The following GRIK1 variants were observed in gnomAD, a reference collection of about 807,000 sequenced individuals.
GRIK1 encodes glutamate receptor ionotropic, kainate 1.
Under a neutral mutation model 105.7 loss-of-function variants are expected in GRIK1, and 69 were observed. The observed-to-expected ratio is 0.65, with a 90% confidence interval of 0.54 to 0.80. The LOEUF (loss-of-function observed/expected upper bound fraction) is 0.80. Ranked by LOEUF, GRIK1 falls within the 30% of genes least tolerant of loss-of-function variation. The probability of loss-of-function intolerance (pLI) is 0.00; values close to 1 mark genes in which losing one functional copy is unlikely to be tolerated. For missense variants in GRIK1, 1,109 were observed against 1,167.3 expected (o/e 0.95, Z 0.73); for synonymous variants, 438 against 431.3 (o/e 1.02, Z -0.19).
chr21:29,682,857 G>A (rs1037749157), intron 3 of GRIK1, among the ~76,000 whole-genome samples: 1 of 152,070 alleles, frequency 6.6e-6, no homozygotes, highest in Non-Finnish European at 1.5e-5. Context: ...CCCACAGAAT[G>A]GGAGAAAATG....
Position 29,639,951 on chromosome 21 carries a change from C to G in GRIK1, c.1098+2875G>C, listed in dbSNP as rs1317378992. 2.0e-5 allele frequency among the ~76,000 whole-genome samples: 3 copies of G among 152,064 alleles called. No homozygotes were observed. In the South Asian group the frequency reaches 6.2e-4, roughly 32 times the overall value. ...GCCCCATACACTGAAAGGCAGTGAG[C>G]TGGAAACATGTGTCTGAAAAGCTTA... On this transcript the variant is annotated intron_variant, in intron 7 of 17. Coordinates refer to ENST00000327783, the MANE Select transcript of GRIK1 (RefSeq NM_001330994.2).
intron 1 of GRIK1, among the ~76,000 whole-genome samples, chr21:29,919,549 A>G (rs1395357617): frequency 2.6e-5 from 4 of 152,130 alleles, no homozygotes; most frequent in African/African-American, 9.7e-5. Context: ...GGAATATGAG[A>G]AACATATTCA....
intron 1 of GRIK1, among the ~76,000 whole-genome samples, chr21:29,835,280 GT>G (rs1468056097): frequency 1.3e-5 from 2 of 152,166 alleles, no homozygotes; most frequent in African/African-American, 4.8e-5. Flanking sequence ...TGCTCACTTA[GT>G]TCTTCTGCTG....
At chr21:29,792,716 G>A (rs57086789) in intron 1 of GRIK1, among the ~76,000 whole-genome samples, 1,938 of 152,302 alleles carry the variant, frequency 0.013, 53 homozygotes, top group African/African-American at 0.044. Flanking sequence ...CCGAAGGCAT[G>A]GTGTGGACTC....
At chr21:29,860,576 A>G (rs1425861339) in intron 1 of GRIK1, among the ~76,000 whole-genome samples, 1 of 152,240 alleles carries the variant, frequency 6.6e-6, no homozygotes, top group Non-Finnish European at 1.5e-5. Context: ...CCAGGAGGGT[A>G]TGTAGGATTT....
intron 1 of GRIK1, among the ~76,000 whole-genome samples, chr21:29,701,784 C>G (rs1222273714): frequency 6.6e-6 from 1 of 152,128 alleles, no homozygotes; most frequent in Non-Finnish European, 1.5e-5. Flanking sequence ...ATGATGATGG[C>G]TTTGTACAAA....
chr21:29,770,783 G>A (rs561635825), intron 1 of GRIK1, among the ~76,000 whole-genome samples: 2 of 152,212 alleles, frequency 1.3e-5, no homozygotes, highest in Non-Finnish European at 1.5e-5. Context: ...TTAAAACGCT[G>A]GTCTCAAAAT....
At chr21:29,793,382 G>C (rs144264986) in intron 1 of GRIK1, among the ~76,000 whole-genome samples, 125 of 152,236 alleles carry the variant, frequency 8.2e-4, no homozygotes, top group African/African-American at 2.9e-3. Flanking sequence ...GTGCCTAGCT[G>C]CTTCCATATG....
chr21:29,910,877 A>AT (rs549504961), intron 1 of GRIK1, among the ~76,000 whole-genome samples: 52 of 148,210 alleles, frequency 3.5e-4, no homozygotes, highest in East Asian at 1.2e-3. Flanking sequence ...AAGACAATTG[A>AT]TTTTTTTTTT....
intron 4 of GRIK1, among the ~76,000 whole-genome samples, chr21:29,671,802 A>G (rs1033257445): frequency 3.9e-5 from 6 of 152,146 alleles, no homozygotes; most frequent in Non-Finnish European, 7.4e-5. Context: ...ACATAAATAT[A>G]ACCTGGATAT....
At chr21:29,553,797 G>T in intron 16 of GRIK1, 1 of 868,836 alleles carries the variant, frequency 1.2e-6, no homozygotes, top group Non-Finnish European at 1.8e-6. Context: ...ATCACATGAA[G>T]CTGGCAACTA....
chr21:29,689,657 A>G, intron 3 of GRIK1, 71 bp downstream of exon 3: 1 of 1,350,654 alleles, frequency 7.4e-7, no homozygotes, highest in Non-Finnish European at 1.1e-6. Context: ...GAGTTTAATG[A>G]CTATTTGATA....
At chr21:29,784,289 A>T (rs938736827) in intron 1 of GRIK1, among the ~76,000 whole-genome samples, 1 of 152,196 alleles carries the variant, frequency 6.6e-6, no homozygotes, top group Non-Finnish European at 1.5e-5. Flanking sequence ...CTTATTTTGT[A>T]CCTTGAGTAC....
chr21:29,612,868 C>A (rs1198131060), intron 7 of GRIK1, among the ~76,000 whole-genome samples: 5 of 152,056 alleles, frequency 3.3e-5, no homozygotes, highest in African/African-American at 1.2e-4. Flanking sequence ...ACATTGTAAA[C>A]AAGACACTTT....
At chr21:29,866,984 A>T (rs1354683914) in intron 1 of GRIK1, among the ~76,000 whole-genome samples, 1 of 152,230 alleles carries the variant, frequency 6.6e-6, no homozygotes, top group East Asian at 1.9e-4. Context: ...TATTTGTTTG[A>T]ACCCAGTGGA....
chr21:29,712,272 G>A (rs1465493599), intron 1 of GRIK1, among the ~76,000 whole-genome samples: 2 of 151,746 alleles, frequency 1.3e-5, no homozygotes, highest in Non-Finnish European at 2.9e-5. Context: ...AGTTTATTTA[G>A]GTAACTCTAT....
At chr21:29,852,133 A>G (rs1294142626) in intron 1 of GRIK1, among the ~76,000 whole-genome samples, 1 of 152,042 alleles carries the variant, frequency 6.6e-6, no homozygotes, top group Non-Finnish European at 1.5e-5. Flanking sequence ...GCCTCAGCTC[A>G]CATCTCTTTT....
rs1171513561 is a variant in GRIK1, at chr21:29,745,560, AG to A, written c.119-51498del. On this transcript the variant is annotated intron_variant, in intron 1 of 17. Coordinates refer to ENST00000327783, the MANE Select transcript of GRIK1 (RefSeq NM_001330994.2). ...TAGATCCCACAGGTAGAAAGAGTAC[AG>A]GGTTAAAATCCAGGGCCTCTGATTC... 2.6e-5 allele frequency among the ~76,000 whole-genome samples: 4 copies of A among 152,384 alleles called. No individual in the cohort carries two copies. In the East Asian group the frequency reaches 5.8e-4, roughly 22 times the overall value.
intron 1 of GRIK1, among the ~76,000 whole-genome samples, chr21:29,877,160 T>A (rs2069220682): frequency 6.6e-6 from 1 of 152,200 alleles, no homozygotes; most frequent in African/African-American, 2.4e-5. Flanking sequence ...AGCAGTATTG[T>A]CTTTCTCCTC....
Sources: allele counts gnomAD v4.1 joint callset (sites outside exome capture counted in the v4.1 genomes callset), GRCh38; gene constraint gnomAD v4.1.1; transcripts MANE v1.5; gene names NCBI Gene and HGNC (gene_info 2026-07-23, HGNC 2026-07-21).